Variants in GARIN5A observed in about 807,000 individuals in gnomAD.
GARIN5A encodes golgi associated RAB2 interactor 5A, also known as Golgi-associated RAB2 interactor protein 5A.
the GARIN5A span, chr19:50,475,543 A>G: frequency 1.6e-6 from 2 of 1,284,006 alleles, no homozygotes; most frequent in Non-Finnish European, 2.1e-6. Flanking sequence ...GGTAGGGGAA[A>G]AGGTCATGAA....
the GARIN5A span, among the ~76,000 whole-genome samples, chr19:50,472,105 TAC>T: frequency 2.2e-5 from 3 of 139,448 alleles, no homozygotes; most frequent in African/African-American, 5.7e-5. Flanking sequence ...TATGTATATA[TAC>T]GTGTGTATAT....
At chr19:50,472,243 T>TATGTATATATACATGTATGTATATATATG in the GARIN5A span, among the ~76,000 whole-genome samples, 1 of 133,876 alleles carries the variant, frequency 7.5e-6, no homozygotes, top group Non-Finnish European at 1.6e-5. Context: ...TATGTGTGTA[T>TATGTATATATACATGTATGTATATATATG]TATATATACA....
chr19:50,476,369 G>T, the GARIN5A span: 3 of 1,566,292 alleles, frequency 1.9e-6, no homozygotes, highest in Non-Finnish European at 2.6e-6. Flanking sequence ...CTGGAGATCA[G>T]GCCAAAGGGG....
At chr19:50,475,540 GA>G in the GARIN5A span, 2 of 1,316,182 alleles carry the variant, frequency 1.5e-6, no homozygotes, top group Non-Finnish European at 2.1e-6. Flanking sequence ...CTTGGTAGGG[GA>G]AAAGGTCATG....
At chr19:50,476,813 G>A in the GARIN5A span, 1 of 557,202 alleles carries the variant, frequency 1.8e-6, no homozygotes. Context: ...CGCACGCGCA[G>A]GAGGGGCCTC....
At chr19:50,468,421 T>C in the GARIN5A span, among the ~76,000 whole-genome samples, 1 of 145,012 alleles carries the variant, frequency 6.9e-6, no homozygotes, top group Non-Finnish European at 1.5e-5. Flanking sequence ...ACCATCCGAC[T>C]CATAACATGT....
chr19:50,471,201 G>A, the GARIN5A span, among the ~76,000 whole-genome samples: 2 of 152,124 alleles, frequency 1.3e-5, no homozygotes, highest in Non-Finnish European at 2.9e-5. Context: ...CTGGGCTTAA[G>A]CAGTCCTCCC....
chr19:50,474,139 G>T, the GARIN5A span, among the ~76,000 whole-genome samples: 5,786 of 151,770 alleles, frequency 0.038, 284 homozygotes, highest in African/African-American at 0.11. Context: ...TCGTTTGTTT[G>T]CATTACTTTT....
the GARIN5A span, chr19:50,476,244 G>T: frequency 1.2e-6 from 2 of 1,613,368 alleles, no homozygotes; most frequent in East Asian, 4.5e-5. Flanking sequence ...AGCAGAGGGA[G>T]AAAGCGAGGG....
the GARIN5A span, chr19:50,475,511 G>A: frequency 1.3e-6 from 2 of 1,502,478 alleles, no homozygotes; most frequent in Non-Finnish European, 1.8e-6. Flanking sequence ...GAACTGAGGA[G>A]GGATCAGAGG....
chr19:50,468,944 C>G, the GARIN5A span, among the ~76,000 whole-genome samples: 1 of 152,202 alleles, frequency 6.6e-6, no homozygotes, highest in South Asian at 2.1e-4. Context: ...TTTTAACTCC[C>G]TCCTCCGCCA....
the GARIN5A span, among the ~76,000 whole-genome samples, chr19:50,470,383 C>T: frequency 6.6e-6 from 1 of 151,988 alleles, no homozygotes; most frequent in Admixed American, 6.6e-5. Context: ...TGTGGTGGCA[C>T]ATGCCAGTAA....
the GARIN5A span, chr19:50,476,413 C>A: frequency 1.3e-6 from 2 of 1,545,186 alleles, no homozygotes; most frequent in East Asian, 2.3e-5. Context: ...GCCCCAGGTG[C>A]GGACGGGTGC....
the GARIN5A span, among the ~76,000 whole-genome samples, chr19:50,472,255 GTA>G: frequency 1.0e-5 from 1 of 100,028 alleles, no homozygotes; most frequent in South Asian, 3.0e-4. Context: ...ATATATACAT[GTA>G]TGTGTGTATA....
chr19:50,476,675 T>A, the GARIN5A span: 2 of 1,452,068 alleles, frequency 1.4e-6, no homozygotes, highest in Non-Finnish European at 9.1e-7. Context: ...GCTCTTTAGC[T>A]GTGCATAGCG....
At chr19:50,470,496 A>T in the GARIN5A span, among the ~76,000 whole-genome samples, 1 of 151,300 alleles carries the variant, frequency 6.6e-6, no homozygotes, top group Non-Finnish European at 1.5e-5. Context: ...CTGGGCAACA[A>T]GAGTGAGGCT....
chr19:50,476,209 C>A, the GARIN5A span: 1 of 1,613,722 alleles, frequency 6.2e-7, no homozygotes, highest in Non-Finnish European at 8.5e-7. Flanking sequence ...TTGCAATGTC[C>A]CCGTCCGACG....
At chr19:50,475,760 G>A in the GARIN5A span, 1 of 1,102,730 alleles carries the variant, frequency 9.1e-7, no homozygotes, top group Non-Finnish European at 1.4e-6. Context: ...TGGGGGAGCA[G>A]GGGCTTTCCA....
chr19:50,471,956 A>G, the GARIN5A span, among the ~76,000 whole-genome samples: 97 of 139,226 alleles, frequency 7.0e-4, 2 homozygotes, highest in African/African-American at 2.8e-3. Flanking sequence ...ATATACATGT[A>G]TGTATGTATA....
Sources: gnomAD v4.1 joint callset for allele counts (sites outside exome capture counted in the v4.1 genomes callset) on GRCh38, gnomAD v4.1.1 for gene constraint, MANE v1.5 for transcripts, NCBI Gene and HGNC (gene_info 2026-07-23, HGNC 2026-07-21) for gene names.